The following FCHO2 variants were observed in gnomAD, a reference collection of about 807,000 sequenced individuals.
FCHO2 encodes the protein F-BAR domain only protein 2.
Under a neutral mutation model 114.1 loss-of-function variants are expected in FCHO2, and 43 were observed. The ratio of observed to expected loss-of-function variants is 0.38; its 90% CI spans 0.30 to 0.49. The LOEUF is 0.49. Ranked by LOEUF, FCHO2 falls within the 20% of genes least tolerant of loss-of-function variation. The probability of loss-of-function intolerance (pLI) is 0.97; values close to 1 mark genes in which losing one functional copy is unlikely to be tolerated. For missense variants in FCHO2, 807 were observed against 950.4 expected, an observed-to-expected ratio of 0.85 and a Z score of 1.98; for synonymous variants, 293 against 315.2, an observed-to-expected ratio of 0.93 and a Z score of 0.75.
At chr5:72,974,324 A>T (rs1352643531) in intron 2 of FCHO2, among the ~76,000 whole-genome samples, 1 of 138,714 alleles carries the variant, frequency 7.2e-6, no homozygotes, top group Admixed American at 7.0e-5. Context: ...CCCATTATTA[A>T]TGTGTGGGAG....
chr5:72,961,878 A>G (rs1263408622), intron 1 of FCHO2, among the ~76,000 whole-genome samples: 1 of 152,214 alleles, frequency 6.6e-6, no homozygotes, highest in Admixed American at 6.5e-5. Context: ...GGCATGAGCC[A>G]CCATGCCCGG....
At chr5:73,033,167 C>T (rs1337186807) in intron 8 of FCHO2, among the ~76,000 whole-genome samples, 1 of 151,992 alleles carries the variant, frequency 6.6e-6, no homozygotes, top group Non-Finnish European at 1.5e-5. Flanking sequence ...TTAATTGGGT[C>T]ATTTTCTGAC....
chr5:72,969,175 T>C (rs1182100316), intron 2 of FCHO2, among the ~76,000 whole-genome samples: 1 of 152,224 alleles, frequency 6.6e-6, no homozygotes, highest in Non-Finnish European at 1.5e-5. Flanking sequence ...CCCAACTTTG[T>C]AATTATTTAT....
At chr5:73,067,754 A>C (rs755602199) in intron 18 of FCHO2, among the ~76,000 whole-genome samples, 22 of 151,930 alleles carry the variant, frequency 1.4e-4, no homozygotes, top group Admixed American at 5.9e-4. Flanking sequence ...ATACTTTTAT[A>C]AGCAGGAAAA....
At chr5:73,051,949 A>G (rs1013137059) in intron 12 of FCHO2, among the ~76,000 whole-genome samples, 4 of 151,920 alleles carry the variant, frequency 2.6e-5, no homozygotes, top group Non-Finnish European at 5.9e-5. Context: ...TTTGAGATGA[A>G]GTCTCACTCT....
intron 25 of FCHO2, 73 bp from the exon 26 acceptor site, chr5:73,087,992 TTGG>T: frequency 1.3e-6 from 2 of 1,585,426 alleles, no homozygotes; most frequent in Non-Finnish European, 8.6e-7. Flanking sequence ...GAGTTTTGTA[TTGG>T]TAACCACAGT....
At chr5:73,068,556 G>A (rs1161533576) in intron 18 of FCHO2, 94 bp from the exon 19 acceptor site, 1 of 1,364,090 alleles carries the variant, frequency 7.3e-7, no homozygotes, top group Non-Finnish European at 1.0e-6. Flanking sequence ...AGTAAATTTG[G>A]TTTGGTATGT....
At position 73,077,418 on chromosome 5, in the gene FCHO2, C is replaced by T; in HGVS notation, c.1772C>T (p.Pro591Leu). 6.3e-7 allele frequency: 1 copy of T among 1,597,506 alleles called. No homozygotes were observed. The highest frequency in any genetic ancestry group is 1.1e-5 in the South Asian group (1 of 88,158). Residue 591 changes from proline to leucine, a missense_variant, in exon 21 of 26, where the codon CCA becomes CTA. Physicochemically the swap from Pro to Leu is moderately conservative, Grantham distance 98 (BLOSUM62 -3). Transcript: ENST00000430046. ...IIKVFTSNPT[P>L]AVLCFRVKNI... ...AAAGTCTTCACCAGCAATCCAACTCCAGCTGTGTTGTGCTTCAGGGTGAAA... is the reference window on the plus strand; with the variant it reads ...AAAGTCTTCACCAGCAATCCAACTCTAGCTGTGTTGTGCTTCAGGGTGAAA...
chr5:73,077,789 G>A (rs1742962186), intron 21 of FCHO2, among the ~76,000 whole-genome samples: 1 of 152,158 alleles, frequency 6.6e-6, no homozygotes, highest in Non-Finnish European at 1.5e-5. Flanking sequence ...GGCAGAGGTT[G>A]CAGTGAGCCA....
At chr5:73,001,269 G>T (rs960741975) in intron 5 of FCHO2, among the ~76,000 whole-genome samples, 2 of 151,340 alleles carry the variant, frequency 1.3e-5, no homozygotes, top group Non-Finnish European at 2.9e-5. Flanking sequence ...GTGTGAGATC[G>T]CACCATTGCA....
chr5:73,060,279 C>A, intron 17 of FCHO2, among the ~76,000 whole-genome samples: 1 of 151,396 alleles, frequency 6.6e-6, no homozygotes, highest in Non-Finnish European at 1.5e-5. Context: ...TTAAATCTTC[C>A]TATATAGTAT....
At chr5:73,023,667 TC>T (rs1755754908) in intron 8 of FCHO2, among the ~76,000 whole-genome samples, 1 of 150,306 alleles carries the variant, frequency 6.7e-6, no homozygotes, top group African/African-American at 2.5e-5. Context: ...GCCATTGCAC[TC>T]CAGCCTAGGC....
At chr5:72,993,987 C>T (rs1753945879) in intron 5 of FCHO2, among the ~76,000 whole-genome samples, 1 of 152,002 alleles carries the variant, frequency 6.6e-6, no homozygotes, top group South Asian at 2.1e-4. Context: ...AAATCATCTC[C>T]AGATGGATTA....
At chr5:72,956,272 C>G (rs1270138482) in intron 1 of FCHO2, 143 bp downstream of exon 1, 1 of 1,158,212 alleles carries the variant, frequency 8.6e-7, no homozygotes, top group East Asian at 3.1e-5. Context: ...TGGGTGAGGT[C>G]CGGCGGGCGA....
intron 22 of FCHO2, among the ~76,000 whole-genome samples, chr5:73,079,512 T>C (rs1263294185): frequency 1.3e-5 from 2 of 152,118 alleles, no homozygotes; most frequent in Non-Finnish European, 2.9e-5. Context: ...AGCTAGACAC[T>C]TGAGAAAAAA....
Position 73,081,936 on chromosome 5 carries a change from G to A in FCHO2, c.2134G>A (p.Val712Met). The A allele has an allele frequency of 6.2e-7, 1 of 1,605,548 alleles. No individual in the cohort carries two copies. The highest frequency in any genetic ancestry group is 8.5e-7 in the Non-Finnish European group (1 of 1,175,388). The stretch of plus-strand genomic sequence containing the variant: ...TTCCAACATACAGGTGGTGGTACCA[G>A]TGGATGGAGGAGTAACGAACATGCA... ...VLSNIQVVVP[V>M]DGGVTNMQSL... The change falls in exon 23 of 26, where the codon GTG becomes ATG. Residue 712 changes from valine to methionine, a missense_variant. Transcript: ENST00000430046.
At chr5:72,998,703 G>A (rs1051968896) in intron 5 of FCHO2, among the ~76,000 whole-genome samples, 1 of 150,346 alleles carries the variant, frequency 6.7e-6, no homozygotes, top group African/African-American at 2.5e-5. Context: ...ATAGTACCTA[G>A]TATGCCGTGA....
intron 6 of FCHO2, among the ~76,000 whole-genome samples, chr5:73,013,397 A>G (rs372343684): frequency 2.6e-5 from 4 of 152,340 alleles, no homozygotes; most frequent in East Asian, 1.9e-4. Flanking sequence ...AACAAGATAA[A>G]AATAGTAAGG....
intron 2 of FCHO2, among the ~76,000 whole-genome samples, chr5:72,977,900 G>A (rs1752973279): frequency 6.6e-6 from 1 of 152,134 alleles, no homozygotes; most frequent in African/African-American, 2.4e-5. Context: ...GCTTGTTTTT[G>A]TCAGGTTTGT....
Sources: gnomAD v4.1 joint callset for allele counts (sites outside exome capture counted in the v4.1 genomes callset) on GRCh38, gnomAD v4.1.1 for gene constraint, MANE v1.5 for transcripts, NCBI Gene and HGNC (gene_info 2026-07-23, HGNC 2026-07-21) for gene names.